SPATA1: variants seen among roughly 807,000 people sequenced by gnomAD.
SPATA1 encodes spermatogenesis associated 1.
Under a neutral mutation model 59.6 loss-of-function variants are expected in SPATA1, and 57 were observed. The ratio of observed to expected loss-of-function variants is 0.96; its 90% CI spans 0.77 to 1.19. SPATA1 has a LOEUF of 1.19. Among genes scored for constraint, SPATA1 ranks in the 50% most tolerant of loss-of-function variants. SPATA1 has a pLI of 0.00. For synonymous variants in SPATA1, 147 were observed against 163.9 expected, an observed-to-expected ratio of 0.90 and a Z score of 0.79; for missense variants, 448 against 480.7, an observed-to-expected ratio of 0.93 and a Z score of 0.64.
chr1:84,513,841 T>C (rs1682679030), intron 1 of SPATA1, among the ~76,000 whole-genome samples: 1 of 129,124 alleles, frequency 7.7e-6, no homozygotes, highest in Non-Finnish European at 1.6e-5. Flanking sequence ...TTCTATATTC[T>C]ATTTTTTTTT....
chr1:84,544,890 T>C (rs1558609584), intron 9 of SPATA1, among the ~76,000 whole-genome samples: 1 of 151,778 alleles, frequency 6.6e-6, no homozygotes, highest in Non-Finnish European at 1.5e-5. Context: ...ACTACATATG[T>C]TTAGTCACCA....
At chr1:84,545,810 C>G in intron 10 of SPATA1, 51 bp downstream of exon 10, 1 of 1,250,142 alleles carries the variant, frequency 8.0e-7, no homozygotes, top group African/African-American at 1.6e-5. Context: ...TTAAGTTTTA[C>G]AGAATTGATC....
intron 8 of SPATA1, among the ~76,000 whole-genome samples, chr1:84,536,645 C>A (rs113515338): frequency 6.6e-6 from 1 of 151,864 alleles, no homozygotes; most frequent in Non-Finnish European, 1.5e-5. Context: ...GGTGTTTCAC[C>A]GTGTTAGCCA....
At chr1:84,513,434 A>T (rs1343105656) in intron 1 of SPATA1, among the ~76,000 whole-genome samples, 1 of 152,222 alleles carries the variant, frequency 6.6e-6, no homozygotes, top group Non-Finnish European at 1.5e-5. Context: ...AGTGCCAGCC[A>T]TGCATGCCTA....
intron 1 of SPATA1, among the ~76,000 whole-genome samples, chr1:84,513,017 G>A (rs536693080): frequency 1.4e-5 from 2 of 146,994 alleles, no homozygotes; most frequent in East Asian, 3.9e-4. Context: ...TTAGTAATAG[G>A]TAAAAAATGT....
chr1:84,525,935 A>G (rs867520047), exon 6 of SPATA1: 1 of 1,613,676 alleles, frequency 6.2e-7, no homozygotes, highest in African/African-American at 1.3e-5. Flanking sequence ...TGAGCGGCAG[A>G]CTAATAATGG....
chr1:84,547,399 G>A (rs1007297379), intron 10 of SPATA1, among the ~76,000 whole-genome samples: 9 of 152,194 alleles, frequency 5.9e-5, no homozygotes, highest in Admixed American at 6.5e-5. Context: ...ACTATGTGCC[G>A]GGCACTGTTT....
chr1:84,538,210 T>A (rs1254654952), intron 8 of SPATA1, among the ~76,000 whole-genome samples: 1 of 152,234 alleles, frequency 6.6e-6, no homozygotes, highest in Non-Finnish European at 1.5e-5. Context: ...TTACATCCTC[T>A]CTTTATTAGA....
chr1:84,526,033 A>C (rs917200616), exon 6 of SPATA1: 1 of 1,612,640 alleles, frequency 6.2e-7, no homozygotes, highest in Non-Finnish European at 8.5e-7. Context: ...GTTTGTTAGA[A>C]AACACTTTGA....
chr1:84,546,237 T>C (rs1403479749), intron 10 of SPATA1, among the ~76,000 whole-genome samples: 1 of 152,106 alleles, frequency 6.6e-6, no homozygotes, highest in Non-Finnish European at 1.5e-5. Flanking sequence ...GCGGATCATT[T>C]GAGGTCAGGA....
chr1:84,510,732 C>A (rs1408863613), intron 1 of SPATA1, among the ~76,000 whole-genome samples: 2 of 152,148 alleles, frequency 1.3e-5, no homozygotes, highest in African/African-American at 4.8e-5. Flanking sequence ...GCACTATTCA[C>A]AATAGCCAAG....
chr1:84,514,627 A>G (rs1389805283), intron 1 of SPATA1, among the ~76,000 whole-genome samples: 1 of 152,208 alleles, frequency 6.6e-6, no homozygotes, highest in Non-Finnish European at 1.5e-5. Context: ...CCTCAGGACA[A>G]CAATAAAGCA....
chr1:84,534,164 A>G (rs929792195), intron 8 of SPATA1, among the ~76,000 whole-genome samples: 6 of 152,044 alleles, frequency 3.9e-5, no homozygotes, highest in African/African-American at 1.4e-4. Flanking sequence ...TTTATGTTAT[A>G]GTTACTAGCT....
intron 1 of SPATA1, among the ~76,000 whole-genome samples, chr1:84,509,208 TA>T (rs547069684): frequency 1.8e-3 from 246 of 134,382 alleles, no homozygotes; most frequent in South Asian, 5.2e-3. Flanking sequence ...GGTACTGGCA[TA>T]AAAAAAAAAA....
chr1:84,545,222 A>AT (rs1553222600), intron 9 of SPATA1, among the ~76,000 whole-genome samples: 2 of 148,566 alleles, frequency 1.3e-5, no homozygotes, highest in South Asian at 2.1e-4. Flanking sequence ...ATCTCAAAAA[A>AT]ATATATATAT....
chr1:84,543,673 G>A (rs1321290264), intron 8 of SPATA1, among the ~76,000 whole-genome samples: 1 of 152,046 alleles, frequency 6.6e-6, no homozygotes, highest in African/African-American at 2.4e-5. Flanking sequence ...AATTCAACAT[G>A]ATATTTGGAT....
At chr1:84,552,899 T>G in intron 12 of SPATA1, 1 of 608,778 alleles carries the variant, frequency 1.6e-6, no homozygotes. Context: ...AGTAATCCAG[T>G]GGGAGTTGAA....
At chr1:84,555,133 A>G (rs1414617883), downstream of SPATA1, 1 of 1,613,990 alleles carries the variant, frequency 6.2e-7, no homozygotes, top group Admixed American at 1.7e-5. Context: ...TTTTGTATAT[A>G]TGTTGCCTTT....
chr1:84,548,530 T>G (rs962704360), intron 10 of SPATA1, among the ~76,000 whole-genome samples: 4 of 148,016 alleles, frequency 2.7e-5, no homozygotes, highest in African/African-American at 9.8e-5. Context: ...ATATTACTTT[T>G]ATAGTAATGT....
Sources: gnomAD v4.1 joint callset for allele counts (sites outside exome capture counted in the v4.1 genomes callset) on GRCh38, gnomAD v4.1.1 for gene constraint, MANE v1.5 for transcripts, NCBI Gene and HGNC (gene_info 2026-07-23, HGNC 2026-07-21) for gene names.